Variants in ATF7IP observed in about 807,000 individuals in gnomAD.
ATF7IP encodes the protein activating transcription factor 7-interacting protein 1.
In ATF7IP, 23 loss-of-function variants were observed where a neutral mutation model predicts 106.4. The ratio of observed to expected loss-of-function variants is 0.22; its 90% CI spans 0.16 to 0.31. The LOEUF is 0.31. ATF7IP is among the 10% of genes least tolerant of loss of function. The pLI, the probability that ATF7IP is intolerant of heterozygous loss-of-function variation, is 1.00. For synonymous variants in ATF7IP, 542 were observed against 539.0 expected, an observed-to-expected ratio of 1.01 and a Z score of -0.08; for missense variants, 1,334 against 1,524.3, an observed-to-expected ratio of 0.88 and a Z score of 2.08.
intron 5 of ATF7IP, among the ~76,000 whole-genome samples, chr12:14,443,236 A>T (rs962382691): frequency 6.6e-6 from 1 of 152,194 alleles, no homozygotes; most frequent in African/African-American, 2.4e-5. Context: ...AAGTCATGGA[A>T]CCCAGAAAGC....
chr12:14,471,289 G>C (rs1175291566), intron 10 of ATF7IP, among the ~76,000 whole-genome samples: 1 of 152,084 alleles, frequency 6.6e-6, no homozygotes, highest in Non-Finnish European at 1.5e-5. Context: ...AATATAGCAT[G>C]GTTAGTAGTG....
At chr12:14,386,932 G>T (rs1344247033) in intron 1 of ATF7IP, among the ~76,000 whole-genome samples, 1 of 152,052 alleles carries the variant, frequency 6.6e-6, no homozygotes, top group Non-Finnish European at 1.5e-5. Flanking sequence ...GTTTAAAATT[G>T]TTGACTTGTC....
At chr12:14,479,901 A>G (rs999552132) in intron 12 of ATF7IP, among the ~76,000 whole-genome samples, 1 of 152,118 alleles carries the variant, frequency 6.6e-6, no homozygotes, top group Admixed American at 6.6e-5. Flanking sequence ...CTTTACATTT[A>G]TACAAAGTTA....
Position 14,423,961 on chromosome 12 carries a change from A to G in ATF7IP, c.46A>G (p.Lys16Glu). Residue 16 changes from lysine to glutamate, a missense_variant, in exon 2 of 15, where the codon AAA becomes GAA. Coordinates refer to ENST00000261168, the MANE Select transcript of ATF7IP (RefSeq NM_018179.5). ...TCAGAAAAAAGTCTTTAAGGCTCGA[A>G]AAACGATGAGAGTGAGTGATCGTCA... The part of the protein sequence containing the change: ...EPQKKVFKAR[K>E]TMRVSDRQQL... 1 of 1,612,040 alleles carries G rather than the reference A, an allele frequency of 6.2e-7. No homozygotes were observed. The highest frequency in any genetic ancestry group is 8.5e-7 in the Non-Finnish European group (1 of 1,179,344).
At chr12:14,388,078 T>G (rs10845992) in intron 1 of ATF7IP, among the ~76,000 whole-genome samples, 1 of 147,392 alleles carries the variant, frequency 6.8e-6, no homozygotes, top group African/African-American at 2.5e-5. Flanking sequence ...CGATGATGCT[T>G]CCTCGGCTCA....
chr12:14,376,006 G>A (rs559528664), intron 1 of ATF7IP, among the ~76,000 whole-genome samples: 6 of 152,206 alleles, frequency 3.9e-5, no homozygotes, highest in South Asian at 2.1e-4. Flanking sequence ...ACTTGTAAAG[G>A]TTTGTGATGG....
In ATF7IP at chr12:14,481,022, A is replaced by G. The variant is rs766351982; in HGVS notation, c.3117A>G (p.Val1039=). ...CATTAGCTCCAACTACCGTGAATGTAACACATCGTCCAGTAACTCAGGTGA... is the reference window on the plus strand; with the variant it reads ...CATTAGCTCCAACTACCGTGAATGTGACACATCGTCCAGTAACTCAGGTGA... The part of the protein sequence containing the change: ...LLPTAPTTVN[V]THRPVTQVTT... Residue 1039 remains valine, a synonymous_variant, in exon 13 of 15, where the codon GTA becomes GTG. Coordinates refer to ENST00000261168, the MANE Select transcript of ATF7IP (RefSeq NM_018179.5). The G allele has an allele frequency of 6.2e-7, 1 of 1,613,956 alleles. No homozygotes were observed. Among genetic ancestry groups the G allele is most frequent in the South Asian group, 1.1e-5 (1 of 91,074 alleles).
In ATF7IP at chr12:14,466,590, G is replaced by A. The variant is rs779706735; in HGVS notation, c.2862G>A (p.Gln954=). The part of the protein sequence containing the change: ...VSKKAADSTS[Q]CGKATGSDSS... ...AGAAAGCAGCTGATAGCACATCACA[G>A]GTAAGATTTTTCCTTCTTCTTCAAA... The change falls in exon 10 of 15, where the codon CAG becomes CAA. Residue 954 remains glutamine (Q), a splice_region_variant and synonymous_variant. Coordinates refer to ENST00000261168, the MANE Select transcript of ATF7IP (RefSeq NM_018179.5). 76 of 1,593,788 alleles carry A rather than the reference G, an allele frequency of 4.8e-5. No individual in the cohort carries two copies. The highest frequency in any genetic ancestry group is 6.0e-5 in the Non-Finnish European group (70 of 1,172,916).
intron 1 of ATF7IP, among the ~76,000 whole-genome samples, chr12:14,399,402 T>C (rs752641256): frequency 6.6e-6 from 1 of 152,122 alleles, no homozygotes; most frequent in Non-Finnish European, 1.5e-5. Flanking sequence ...TTCTTTCTCT[T>C]CTGTAGTTAA....
intron 1 of ATF7IP, among the ~76,000 whole-genome samples, chr12:14,402,124 TTTC>T (rs1470452712): frequency 7.9e-6 from 1 of 125,804 alleles, no homozygotes; most frequent in African/African-American, 2.9e-5. Flanking sequence ...TCTTTTCTTC[TTTC>T]TTTTTTTTTT....
Position 14,478,531 on chromosome 12 carries a change from ATG to A in ATF7IP, c.3097+60_3097+61del, listed in dbSNP as rs1395671417. On this transcript the variant is annotated intron_variant, in intron 12 of 14. Transcript: ENST00000261168. ...GTTTTGCCTGTAGAGAACTATGACTATGGAGTTAAGTGGAAAGATAAGACAGA... is the reference window on the plus strand; with the variant it reads ...GTTTTGCCTGTAGAGAACTATGACTAGAGTTAAGTGGAAAGATAAGACAGA... The A allele has an allele frequency of 2.5e-6, 4 of 1,571,658 alleles. No individual in the cohort carries two copies. In the African/African-American group the frequency reaches 5.4e-5, roughly 21 times the overall value.
chr12:14,493,481 C>T, intron 13 of ATF7IP, among the ~76,000 whole-genome samples: 1 of 152,156 alleles, frequency 6.6e-6, no homozygotes, highest in East Asian at 1.9e-4. Flanking sequence ...TCACTCTTGC[C>T]TCACATATCA....
rs1940992624 is a variant in ATF7IP, at chr12:14,412,768, C to A, written c.-7-11141C>A. On this transcript the variant is annotated intron_variant, in intron 1 of 14. Coordinates refer to ENST00000261168, the MANE Select transcript of ATF7IP (RefSeq NM_018179.5). ...GTGGCTCATGCCTGTAATCCCAGCA[C>A]TTTGGGTGGCCGAGGCAGGTGGATC... Among the ~76,000 whole-genome samples, 3 of 151,846 alleles carry A rather than the reference C, an allele frequency of 2.0e-5. No individual in the cohort carries two copies. The East Asian group carries it at 5.8e-4, about 29-fold the overall frequency.
Position 14,472,618 on chromosome 12 carries a change from G to A in ATF7IP, c.2863-3272G>A, listed in dbSNP as rs898466117. Among the ~76,000 whole-genome samples the A allele has an allele frequency of 3.3e-5, 5 of 152,196 alleles. No individual in the cohort carries two copies. In the East Asian group the frequency reaches 7.7e-4, roughly 23 times the overall value. On this transcript the variant is annotated intron_variant, in intron 10 of 14. Transcript: ENST00000261168. ...TCTTAATAACATTCAGCACCACTCA[G>A]TCTCCTTCCTTTTTGAAACATTAGT... is the stretch of plus-strand genomic sequence containing the variant.
At chr12:14,426,065 C>A (rs1163333794) in intron 2 of ATF7IP, among the ~76,000 whole-genome samples, 2 of 152,152 alleles carry the variant, frequency 1.3e-5, no homozygotes, top group South Asian at 4.1e-4. Context: ...TCTGAATGAG[C>A]TCCCTGTAAC....
intron 1 of ATF7IP, chr12:14,369,363 A>G (rs889086629): frequency 6.6e-6 from 1 of 151,924 alleles, no homozygotes; most frequent in Non-Finnish European, 1.5e-5. Context: ...TTTTATTATT[A>G]TTGTTTTTTG....
intron 1 of ATF7IP, among the ~76,000 whole-genome samples, chr12:14,410,693 A>G (rs1425317532): frequency 1.3e-5 from 2 of 152,156 alleles, no homozygotes; most frequent in Non-Finnish European, 2.9e-5. Context: ...TAATTGTTCT[A>G]TTTTATTATT....
At position 14,425,263 on chromosome 12, in the gene ATF7IP, ACTTGCT is replaced by A; in HGVS notation, c.1349_1354del (p.Thr450_Phe452delinsIle). On this transcript the variant is annotated inframe_deletion, in exon 2 of 15. Transcript: ENST00000261168. ...GCTTGCACCTTCTGAGGATGAACTTACTTGCTTTTCTAAAACATCTCTCCTTCCAAT... is the reference window on the plus strand; with the variant it reads ...GCTTGCACCTTCTGAGGATGAACTTATTTCTAAAACATCTCTCCTTCCAAT... 1 of 1,598,898 alleles carries A rather than the reference ACTTGCT, an allele frequency of 6.3e-7. No individual in the cohort carries two copies. Among genetic ancestry groups the A allele is most frequent in the Non-Finnish European group, 8.5e-7 (1 of 1,174,472 alleles).
chr12:14,414,586 C>G (rs1313601182), intron 1 of ATF7IP, among the ~76,000 whole-genome samples: 1 of 152,150 alleles, frequency 6.6e-6, no homozygotes, highest in Non-Finnish European at 1.5e-5. Context: ...CTATTGTATA[C>G]TGTATATCTC....
Sources: allele counts gnomAD v4.1 joint callset (sites outside exome capture counted in the v4.1 genomes callset), GRCh38; gene constraint gnomAD v4.1.1; transcripts MANE v1.5; gene names NCBI Gene and HGNC (gene_info 2026-07-23, HGNC 2026-07-21).